Variants in WDPCP observed in about 807,000 individuals in gnomAD.
WDPCP encodes the protein WD repeat-containing and planar cell polarity effector protein fritz homolog.
A neutral mutation model predicts 93.1 loss-of-function variants in WDPCP; 71 were observed. That is an observed-to-expected ratio of 0.76 (90% CI 0.63 to 0.93). The LOEUF is 0.93. Among genes scored for constraint, WDPCP ranks in the 40% least tolerant of loss-of-function variants. The pLI is 0.00. For missense variants in WDPCP, 844 were observed against 887.4 expected, an observed-to-expected ratio of 0.95 and a Z score of 0.62; for synonymous variants, 315 against 315.0, an observed-to-expected ratio of 1.00 and a Z score of 0.00.
intron 14 of WDPCP, among the ~76,000 whole-genome samples, chr2:63,182,774 C>A (rs911991384): frequency 1.3e-4 from 12 of 92,248 alleles, no homozygotes; most frequent in African/African-American, 4.5e-4. Context: ...TGGCCCTGGA[C>A]TTTTTTTTTT....
At chr2:63,786,307 C>T (rs761048851) in intron 2 of WDPCP, among the ~76,000 whole-genome samples, 2 of 152,074 alleles carry the variant, frequency 1.3e-5, no homozygotes, top group South Asian at 2.1e-4. Context: ...CCACCACACT[C>T]GGCCTCATTT....
chr2:63,141,457 A>G (rs991374697), intron 17 of WDPCP, among the ~76,000 whole-genome samples: 2 of 152,224 alleles, frequency 1.3e-5, no homozygotes, highest in East Asian at 3.8e-4. Flanking sequence ...CATCCCTGGT[A>G]TGAAACCCAC....
chr2:63,706,198 C>T (rs1319279488), intron 2 of WDPCP, among the ~76,000 whole-genome samples: 1 of 151,946 alleles, frequency 6.6e-6, no homozygotes, highest in African/African-American at 2.4e-5. Flanking sequence ...TGTCTCTGCA[C>T]GTGAGATGGG....
intron 2 of WDPCP, among the ~76,000 whole-genome samples, chr2:63,740,403 T>A (rs1305627453): frequency 6.6e-6 from 1 of 152,140 alleles, no homozygotes; most frequent in Non-Finnish European, 1.5e-5. Context: ...GTTATCAGTG[T>A]CTTTATCTAA....
At chr2:63,257,308 A>G (rs936188145) in intron 14 of WDPCP, among the ~76,000 whole-genome samples, 4 of 152,160 alleles carry the variant, frequency 2.6e-5, no homozygotes, top group African/African-American at 4.8e-5. Context: ...GATAAGTTTA[A>G]GAGAATAATT....
chr2:63,472,101 G>A (rs1699725050), intron 6 of WDPCP, among the ~76,000 whole-genome samples: 1 of 151,846 alleles, frequency 6.6e-6, no homozygotes, highest in African/African-American at 2.4e-5. Flanking sequence ...CTAACTCCTC[G>A]TGTTACTGTT....
rs756815232 is a variant in WDPCP, at chr2:63,404,198, T to C, written c.1285A>G (p.Ser429Gly). 3 of 1,614,010 alleles carry C rather than the reference T, an allele frequency of 1.9e-6. No homozygotes were observed. The highest frequency in any genetic ancestry group is 2.5e-6 in the Non-Finnish European group (3 of 1,179,956). Residue 429 changes from serine to glycine, a missense_variant, in exon 10 of 18, where the codon AGT (serine) becomes GGT (glycine). Coordinates refer to ENST00000272321, the MANE Select transcript of WDPCP (RefSeq NM_015910.7). ...CTGCTGGAGGCATCAAATAATTTAC[T>C]GAATTGCAGAGTCTCCCTGGGTAAG... ...DRLPRETLQFSKLFDASSSLV... is the reference protein window; with the variant it reads ...DRLPRETLQFGKLFDASSSLV...
intron 2 of WDPCP, among the ~76,000 whole-genome samples, chr2:63,692,368 A>G (rs1558885532): frequency 6.6e-6 from 1 of 152,204 alleles, no homozygotes; most frequent in Non-Finnish European, 1.5e-5. Flanking sequence ...TTGTTAAATT[A>G]ACTTAGGCAA....
chr2:63,435,004 AT>A (rs921158048), intron 8 of WDPCP, among the ~76,000 whole-genome samples: 8 of 151,820 alleles, frequency 5.3e-5, no homozygotes, highest in African/African-American at 1.7e-4. Flanking sequence ...ATCCTCTGCT[AT>A]TTTTTTTCAA....
At chr2:63,251,784 C>T (rs1680748638) in intron 14 of WDPCP, among the ~76,000 whole-genome samples, 2 of 151,740 alleles carry the variant, frequency 1.3e-5, no homozygotes, top group South Asian at 4.2e-4. Flanking sequence ...AGCCACCGTG[C>T]CTAGCCAGAA....
chr2:63,274,402 C>A (rs999851001), intron 13 of WDPCP, among the ~76,000 whole-genome samples: 1 of 151,972 alleles, frequency 6.6e-6, no homozygotes, highest in Non-Finnish European at 1.5e-5. Context: ...AATAAACTAC[C>A]TAACAATGCA....
At chr2:63,200,988 G>T (rs1343978372) in intron 14 of WDPCP, among the ~76,000 whole-genome samples, 1 of 152,056 alleles carries the variant, frequency 6.6e-6, no homozygotes, top group Non-Finnish European at 1.5e-5. Flanking sequence ...TATGGTTTGG[G>T]TCTGTGTCAT....
chr2:63,671,181 A>G (rs892905650), intron 2 of WDPCP, among the ~76,000 whole-genome samples: 3 of 152,082 alleles, frequency 2.0e-5, no homozygotes, highest in Non-Finnish European at 4.4e-5. Flanking sequence ...AGGTGTGCCT[A>G]CTAGACCTCC....
At chr2:63,155,026 A>G (rs937085372) in intron 15 of WDPCP, among the ~76,000 whole-genome samples, 5 of 152,180 alleles carry the variant, frequency 3.3e-5, no homozygotes, top group African/African-American at 1.2e-4. Flanking sequence ...AGTTCTGTAT[A>G]TATTCTGGAT....
At chr2:63,166,508 G>A (rs188731687) in intron 15 of WDPCP, among the ~76,000 whole-genome samples, 1 of 152,196 alleles carries the variant, frequency 6.6e-6, no homozygotes, top group Admixed American at 6.5e-5. Context: ...GGGTTTCAGC[G>A]ATTCTCATGC....
chr2:63,801,354 C>T (rs1281210260), intron 2 of WDPCP, among the ~76,000 whole-genome samples: 1 of 152,150 alleles, frequency 6.6e-6, no homozygotes, highest in Non-Finnish European at 1.5e-5. Context: ...CGTGGTCTCG[C>T]TGACTTCAAG....
intron 13 of WDPCP, among the ~76,000 whole-genome samples, chr2:63,295,736 A>T (rs1021134681): frequency 3.3e-5 from 5 of 151,154 alleles, no homozygotes; most frequent in African/African-American, 1.2e-4. Flanking sequence ...TGAACAGACC[A>T]ATAAAGAGTA....
chr2:63,533,224 C>T (rs1703999600), intron 1 of WDPCP, among the ~76,000 whole-genome samples: 1 of 152,154 alleles, frequency 6.6e-6, no homozygotes, highest in African/African-American at 2.4e-5. Context: ...TCCTTAGAGA[C>T]CTACAAAGAG....
At chr2:63,587,005 C>G (rs372685705) in intron 1 of WDPCP, among the ~76,000 whole-genome samples, 45 of 152,272 alleles carry the variant, frequency 3.0e-4, no homozygotes, top group African/African-American at 9.4e-4. Flanking sequence ...TAGGTAAAAT[C>G]ATGATATTTT....
Sources: gnomAD v4.1 joint callset for allele counts (sites outside exome capture counted in the v4.1 genomes callset) on GRCh38, gnomAD v4.1.1 for gene constraint, MANE v1.5 for transcripts, NCBI Gene and HGNC (gene_info 2026-07-23, HGNC 2026-07-21) for gene names.